ALDH1L2: variants seen among roughly 807,000 people sequenced by gnomAD.
ALDH1L2 encodes the protein mitochondrial 10-formyltetrahydrofolate dehydrogenase.
Under a neutral mutation model 111.0 loss-of-function variants are expected in ALDH1L2, and 91 were observed. That is an observed-to-expected ratio of 0.82 (90% CI 0.69 to 0.98). The LOEUF is 0.98. ALDH1L2 is among the 50% of genes least tolerant of loss of function. ALDH1L2 has a pLI of 0.00. For missense variants in ALDH1L2, 995 were observed against 1,126.8 expected, an observed-to-expected ratio of 0.88 and a Z score of 1.67; for synonymous variants, 374 against 392.6, an observed-to-expected ratio of 0.95 and a Z score of 0.56.
chr12:105,050,042 C>G lies in ALDH1L2; in HGVS notation c.1552G>C (p.Glu518Gln), dbSNP rs745733659. ...GTTGCCAGCTCTTCTTGGTTCTCTT[C>G]CAGTAGGTCTGCAAGTCTGTGTGGT... ...RLMYRLADLL[E>Q]ENQEELATIE... Residue 518 changes from glutamate to glutamine, a missense_variant, in exon 13 of 23, where the codon GAA becomes CAA. Physicochemically the swap from Glu to Gln is conservative, Grantham distance 29 (BLOSUM62 2). Coordinates refer to ENST00000258494, the MANE Select transcript of ALDH1L2 (RefSeq NM_001034173.4). The G allele has an allele frequency of 6.2e-7, 1 of 1,601,338 alleles. No individual in the cohort carries two copies. The highest frequency in any genetic ancestry group is 8.5e-7 in the Non-Finnish European group (1 of 1,174,432).
In ALDH1L2 at chr12:105,026,806, C is replaced by G; in HGVS notation, c.2517-62G>C. ...TAAAGCAAAAGACTCATTTTATGTT[C>G]TGAAAATTTTCCCATCTATGCTAGA... On this transcript the variant is annotated intron_variant, in intron 21 of 22. Transcript: ENST00000258494. 4.4e-6 allele frequency: 7 copies of G among 1,580,938 alleles called. No individual in the cohort carries two copies. The South Asian group carries it at 6.9e-5, about 16-fold the overall frequency.
chr12:105,072,093 ATG>A (rs1877766011), intron 2 of ALDH1L2, among the ~76,000 whole-genome samples: 1 of 149,862 alleles, frequency 6.7e-6, no homozygotes, highest in African/African-American at 2.4e-5. Context: ...CTCTAAAAAA[ATG>A]TGTTTAAGTG....
rs372072832 is a variant in ALDH1L2 at position 105,052,230 on chromosome 12, A to G, written c.1408-13T>C. On this transcript the variant is annotated splice_polypyrimidine_tract_variant and intron_variant, in intron 11 of 22. Coordinates refer to ENST00000258494, the MANE Select transcript of ALDH1L2 (RefSeq NM_001034173.4). ...CTTTGCATATTGTCTATTTCAAGGT[A>G]AGTAAAAATAGGCCCCATGAGAGAT... The G allele has an allele frequency of 1.3e-6, 2 of 1,586,010 alleles. No individual in the cohort carries two copies. Among genetic ancestry groups the G allele is most frequent in the Non-Finnish European group, 1.7e-6 (2 of 1,169,650 alleles).
intron 1 of ALDH1L2, among the ~76,000 whole-genome samples, chr12:105,078,464 A>C (rs1318773098): frequency 6.6e-6 from 1 of 151,992 alleles, no homozygotes; most frequent in African/African-American, 2.4e-5. Context: ...GTCTCAAAAA[A>C]CAAAAATCAA....
At chr12:105,074,804 C>T (rs1460429919) in intron 1 of ALDH1L2, among the ~76,000 whole-genome samples, 1 of 152,080 alleles carries the variant, frequency 6.6e-6, no homozygotes, top group Non-Finnish European at 1.5e-5. Context: ...AAAAGGATAC[C>T]AGATCACAAC....
chr12:105,032,258 A>C (rs1486233396), intron 19 of ALDH1L2, among the ~76,000 whole-genome samples: 3 of 147,890 alleles, frequency 2.0e-5, no homozygotes, highest in Non-Finnish European at 4.5e-5. Flanking sequence ...GCTCACTGCA[A>C]CCTCTGCCTC....
At chr12:105,075,916 G>C (rs932245261) in intron 1 of ALDH1L2, among the ~76,000 whole-genome samples, 1 of 152,118 alleles carries the variant, frequency 6.6e-6, no homozygotes, top group African/African-American at 2.4e-5. Context: ...CTCCCTAGTA[G>C]CTGGGATTAC....
intron 22 of ALDH1L2, 124 bp from the exon 23 acceptor site, chr12:105,024,603 A>G (rs954405235): frequency 1.0e-5 from 9 of 903,022 alleles, no homozygotes; most frequent in Non-Finnish European, 1.4e-5. Context: ...GGCCTAAGCC[A>G]GTGCTTCTCA....
chr12:105,068,977 A>G (rs985056934), intron 3 of ALDH1L2, 93 bp from the exon 4 acceptor site: 2 of 1,145,330 alleles, frequency 1.7e-6, no homozygotes, highest in East Asian at 3.0e-5. Flanking sequence ...GTTATAATGG[A>G]AAAGTAGACA....
Position 105,073,975 on chromosome 12 carries a change from G to A in ALDH1L2, c.79C>T (p.Leu27=). The part of the protein sequence containing the change: ...VYFKNKLKLA[L]IGQSLFGQEV... ...TGTCCAAAGAGGCTCTGGCCAATTA[G>A]TGCCAACTTCAGCTTGTTTTTGAAA... The change falls in exon 2 of 23, where the codon CTA becomes TTA. Residue 27 remains leucine (L), a synonymous_variant. Coordinates refer to ENST00000258494, the MANE Select transcript of ALDH1L2 (RefSeq NM_001034173.4). 2 of 1,614,154 alleles carry A rather than the reference G, an allele frequency of 1.2e-6. No homozygotes were observed. Among genetic ancestry groups the A allele is most frequent in the Non-Finnish European group, 1.7e-6 (2 of 1,180,040 alleles).
At position 105,066,600 on chromosome 12, in the gene ALDH1L2, A is replaced by G; in HGVS notation, c.664T>C (p.Tyr222His). 1 of 1,614,142 alleles carries G rather than the reference A, an allele frequency of 6.2e-7. No individual in the cohort carries two copies. The highest frequency in any genetic ancestry group is 8.5e-7 in the Non-Finnish European group (1 of 1,180,016). Reference sequence around the variant, plus strand: ...TTTTCCTTTTTCTGGATACCTTCATATGTTGCCCCTTCTTCTGGCTGGGGT... The same window carrying G: ...TTTTCCTTTTTCTGGATACCTTCATGTGTTGCCCCTTCTTCTGGCTGGGGT... ...RIPQPEEGAT[Y>H]EGIQKKENAE... Residue 222 changes from tyrosine (Y) to histidine (H), a missense_variant, in exon 5 of 23, where the codon TAT (tyrosine) becomes CAT (histidine). Physicochemically the swap from Tyr to His is moderately conservative, Grantham distance 83. Transcript: ENST00000258494.
At chr12:105,038,874 A>C (rs1299485477) in intron 17 of ALDH1L2, among the ~76,000 whole-genome samples, 1 of 152,240 alleles carries the variant, frequency 6.6e-6, no homozygotes, top group Non-Finnish European at 1.5e-5. Context: ...TTTTGGTTAC[A>C]TAAAAGCCTG....
intron 1 of ALDH1L2, among the ~76,000 whole-genome samples, chr12:105,078,948 C>G (rs1463097806): frequency 6.6e-6 from 1 of 152,156 alleles, no homozygotes; most frequent in Non-Finnish European, 1.5e-5. Flanking sequence ...ACAAGCGACA[C>G]CGTAGCAAGA....
At chr12:105,059,747 G>T (rs928264514) in intron 9 of ALDH1L2, among the ~76,000 whole-genome samples, 4 of 152,224 alleles carry the variant, frequency 2.6e-5, no homozygotes, top group Non-Finnish European at 5.9e-5. Flanking sequence ...TTCAGTCAGT[G>T]TTGTTAAGTA....
At chr12:105,034,516 A>G (rs1874875276) in intron 18 of ALDH1L2, 118 bp from the exon 19 acceptor site, 2 of 789,066 alleles carry the variant, frequency 2.5e-6, no homozygotes, top group Admixed American at 2.9e-5. Flanking sequence ...TAGATAAGTC[A>G]CAGACAATCC....
chr12:105,073,913 T>C lies in ALDH1L2; in HGVS notation c.141A>G (p.Arg47=). 6.2e-7 allele frequency: 1 copy of C among 1,614,188 alleles called. No homozygotes were observed. Among genetic ancestry groups the C allele is most frequent in the Non-Finnish European group, 8.5e-7 (1 of 1,180,036 alleles). ...VYSHLRKEGH[R]VVGVFTVPDK... is the part of the protein sequence containing the mutation. Reference sequence around the variant, plus strand: ...CTGGAACTGTGAACACCCCTACTACTCGGTGGCCCTCTTTGCGGAGGTGGC... The same window carrying C: ...CTGGAACTGTGAACACCCCTACTACCCGGTGGCCCTCTTTGCGGAGGTGGC... Residue 47 remains arginine, a synonymous_variant, in exon 2 of 23, where the codon CGA becomes CGG. Coordinates refer to ENST00000258494, the MANE Select transcript of ALDH1L2 (RefSeq NM_001034173.4).
Position 105,049,964 on chromosome 12 carries a change from T to C in ALDH1L2, c.1630A>G (p.Ile544Val). 4 of 1,613,044 alleles carry C rather than the reference T, an allele frequency of 2.5e-6. No homozygotes were observed. The highest frequency in any genetic ancestry group is 3.4e-6 in the Non-Finnish European group (4 of 1,179,452). ...CTGAATGTTTGCACAGACATTCCAA[T>C]GTGTGTCTTCAGGGCCAAGGTATAG... Reference protein sequence around the residue: ...AVYTLALKTHIGMSVQTFRYF... With the variant: ...AVYTLALKTHVGMSVQTFRYF... Residue 544 changes from isoleucine to valine, a missense_variant, in exon 13 of 23, where the codon ATT (isoleucine) becomes GTT (valine). Transcript: ENST00000258494.
At chr12:105,063,145 C>T in intron 6 of ALDH1L2, 123 bp from the exon 7 acceptor site, 2 of 1,138,760 alleles carry the variant, frequency 1.8e-6, no homozygotes, top group South Asian at 1.9e-5. Context: ...AAAATTGAGA[C>T]ACCACAATGG....
chr12:105,062,955 T>G lies in ALDH1L2; in HGVS notation c.854A>C (p.Lys285Thr), dbSNP rs1877092215. ...AACGAGACCAGGCTTCTTGGCACCT[T>G]TAATTTCCAGTGGTTCTCCAGGAGG... ...SVPPGEPLEI[K>T]GAKKPGLVTK... Residue 285 changes from lysine to threonine, a missense_variant, in exon 7 of 23, where the codon AAA becomes ACA. Lys to Thr is a moderately conservative substitution (Grantham distance 78). Transcript: ENST00000258494. 2 of 1,614,068 alleles carry G rather than the reference T, an allele frequency of 1.2e-6. No individual in the cohort carries two copies. The highest frequency in any genetic ancestry group is 8.5e-7 in the Non-Finnish European group (1 of 1,180,044).
Sources: gnomAD v4.1 joint callset for allele counts (sites outside exome capture counted in the v4.1 genomes callset) on GRCh38, gnomAD v4.1.1 for gene constraint, MANE v1.5 for transcripts, NCBI Gene and HGNC (gene_info 2026-07-23, HGNC 2026-07-21) for gene names.